The following SCTR variants were observed in gnomAD, a reference collection of about 807,000 sequenced individuals.
SCTR encodes the protein secretin receptor.
SCTR carries 56 observed loss-of-function variants against 60.8 expected under a neutral mutation model. The observed-to-expected ratio is 0.92, with a 90% CI of 0.74 to 1.15. SCTR has a LOEUF of 1.15. Among genes scored for constraint, SCTR ranks in the 50% most tolerant of loss-of-function variants. The pLI is 0.00. For missense variants in SCTR, 562 were observed against 550.4 expected (o/e 1.02, Z -0.21); for synonymous variants, 202 against 217.0 (o/e 0.93, Z 0.61).
At chr2:119,494,225 A>AGTG (rs1376108699) in intron 2 of SCTR, among the ~76,000 whole-genome samples, 2 of 152,156 alleles carry the variant, frequency 1.3e-5, no homozygotes, top group African/African-American at 4.8e-5. Context: ...AGAAAGGAAG[A>AGTG]GTGGTGAGGA....
At chr2:119,448,502 C>G (rs73951103) in intron 10 of SCTR, among the ~76,000 whole-genome samples, 187 bp downstream of exon 10, 6,272 of 152,266 alleles carry the variant, frequency 0.041, 411 homozygotes, top group African/African-American at 0.14. Context: ...TTTCCACCCC[C>G]ATACAGTGTC....
chr2:119,510,216 T>C (rs898197353), intron 1 of SCTR, among the ~76,000 whole-genome samples: 5 of 151,174 alleles, frequency 3.3e-5, no homozygotes, highest in Non-Finnish European at 5.9e-5. Context: ...CTCCCACTTA[T>C]GGTTGTGAAG....
intron 2 of SCTR, 62 bp from the exon 3 acceptor site, chr2:119,478,980 T>C: frequency 6.2e-7 from 1 of 1,601,546 alleles, no homozygotes; most frequent in Non-Finnish European, 8.5e-7. Context: ...CCTACCATCC[T>C]GTCCACATCA....
At chr2:119,517,639 G>T (rs1186743982) in intron 1 of SCTR, among the ~76,000 whole-genome samples, 2 of 152,196 alleles carry the variant, frequency 1.3e-5, no homozygotes, top group Non-Finnish European at 2.9e-5. Flanking sequence ...CCACCAGGGG[G>T]CAGAGAGCAG....
chr2:119,453,405 A>G, intron 7 of SCTR, 58 bp from the exon 8 acceptor site: 1 of 1,334,382 alleles, frequency 7.5e-7, no homozygotes, highest in Non-Finnish European at 1.1e-6. Flanking sequence ...TTCAACACAC[A>G]TATCAGAACA....
At position 119,446,825 on chromosome 2, in the gene SCTR, G is replaced by A. The variant is rs140245245; in HGVS notation, c.1074C>T (p.Phe358=). The change falls in exon 11 of 13, where the codon TTC becomes TTT. Residue 358 remains phenylalanine (F), a synonymous_variant. Transcript: ENST00000019103. ...CCATAGCGTCCTCTGGGGAGAAGGC[G>A]AAGACGATGTAGTGGATGCCAAAGA... ...IPLFGIHYIV[F]AFSPEDAMEI... The A allele has an allele frequency of 1.2e-4, 183 of 1,583,116 alleles. No individual in the cohort carries two copies. In the East Asian group the frequency reaches 1.7e-3, roughly 14 times the overall value.
intron 4 of SCTR, 67 bp from the exon 5 acceptor site, chr2:119,465,953 G>T: frequency 8.7e-7 from 1 of 1,155,540 alleles, no homozygotes; most frequent in Non-Finnish European, 1.3e-6. Flanking sequence ...GTGCCTCACT[G>T]CATCCGCTTC....
chr2:119,502,368 G>A (rs1021203671), intron 1 of SCTR, among the ~76,000 whole-genome samples: 10 of 152,168 alleles, frequency 6.6e-5, no homozygotes, highest in African/African-American at 2.2e-4. Context: ...GCTGATAAAA[G>A]GAATCAGAAG....
chr2:119,464,194 C>T lies in SCTR; in HGVS notation c.565G>A (p.Ala189Thr), dbSNP rs763208082. 6.2e-7 allele frequency: 1 copy of T among 1,614,152 alleles called. No homozygotes were observed. Among genetic ancestry groups the T allele is most frequent in the Admixed American group, 1.7e-5 (1 of 60,030 alleles). ...GCGTCCTTGATGAAGTTGGACAGGG[C>T]ACGAAGGATGAAGGACACGAACAGG... is the stretch of plus-strand genomic sequence containing the variant. ...MHLFVSFILR[A>T]LSNFIKDAVL... The change falls in exon 6 of 13, where the codon GCC becomes ACC. Residue 189 changes from alanine to threonine, a missense_variant. By Grantham distance (58) the Ala-to-Thr change is moderately conservative (BLOSUM62 0). Transcript: ENST00000019103.
intron 4 of SCTR, among the ~76,000 whole-genome samples, chr2:119,469,229 A>G (rs997993293): frequency 3.3e-5 from 5 of 152,158 alleles, no homozygotes; most frequent in Non-Finnish European, 7.4e-5. Flanking sequence ...TGTACAGATG[A>G]GCCGCATTGC....
In SCTR at chr2:119,446,773, G is replaced by A. The variant is rs757025144; in HGVS notation, c.1126C>T (p.Leu376Phe). The stretch of plus-strand genomic sequence containing the variant: ...TGGAAACTTACCTGGAATGAGCCAA[G>A]GGCTAGTTCAAAAAACAGCTGGATC... ...MEIQLFFELALGSFQGLVVAV... is the reference protein window; with the variant it reads ...MEIQLFFELAFGSFQGLVVAV... Residue 376 changes from leucine to phenylalanine, a missense_variant, in exon 11 of 13, where the codon CTT (leucine) becomes TTT (phenylalanine). By Grantham distance (22) the Leu-to-Phe change is conservative (BLOSUM62 0). Coordinates refer to ENST00000019103, the MANE Select transcript of SCTR (RefSeq NM_002980.3). 1.3e-6 allele frequency: 2 copies of A among 1,551,550 alleles called. No individual in the cohort carries two copies. The highest frequency in any genetic ancestry group is 1.4e-5 in the African/African-American group (1 of 72,308).
At chr2:119,470,122 C>T (rs918785081) in intron 4 of SCTR, among the ~76,000 whole-genome samples, 1 of 152,140 alleles carries the variant, frequency 6.6e-6, no homozygotes, top group South Asian at 2.1e-4. Context: ...GCAGTGGAGC[C>T]TCATTGGGTC....
At chr2:119,494,629 C>G (rs1678278972) in intron 1 of SCTR, 81 bp from the exon 2 acceptor site, 1 of 1,450,178 alleles carries the variant, frequency 6.9e-7, no homozygotes, top group Non-Finnish European at 9.6e-7. Flanking sequence ...CAAGACAATG[C>G]AGATTCAATG....
chr2:119,452,010 C>A lies in SCTR; in HGVS notation c.921G>T (p.Leu307=), dbSNP rs1366325480. 6 of 1,593,692 alleles carry A rather than the reference C, an allele frequency of 3.8e-6. No homozygotes were observed. The highest frequency in any genetic ancestry group is 5.2e-6 in the Non-Finnish European group (6 of 1,163,568). Residue 307 remains leucine, a splice_region_variant and synonymous_variant, in exon 9 of 13, where the codon CTG becomes CTT. Transcript: ENST00000019103. The part of the protein sequence containing the change: ...IIRGPVILSI[L]INFILFINIL... ...AGCTAGGGAGAGGAGGGCCACTCAC[C>A]AGGATGGAGAGGATCACAGGACCAC...
In SCTR at chr2:119,524,459, G is replaced by T. The variant is rs1281460014; in HGVS notation, c.-233C>A. On this transcript the variant is annotated 5_prime_UTR_variant, in exon 1 of 13. Coordinates refer to ENST00000019103, the MANE Select transcript of SCTR (RefSeq NM_002980.3). Reference sequence around the variant, plus strand: ...TTGATCAGGACGCGGCTTTGCCGGCGCGCCTCCTCCACCCGGCAGGGACTG... The same window carrying T: ...TTGATCAGGACGCGGCTTTGCCGGCTCGCCTCCTCCACCCGGCAGGGACTG... 2.8e-6 allele frequency: 1 copy of T among 356,182 alleles called. No homozygotes were observed. The allele number at this position is 356,182 out of a possible 1,614,324, so 22.1% of individuals were successfully genotyped here.
At chr2:119,488,435 G>T (rs1369767057) in intron 2 of SCTR, among the ~76,000 whole-genome samples, 2 of 152,226 alleles carry the variant, frequency 1.3e-5, no homozygotes, top group African/African-American at 4.8e-5. Context: ...AGTCAGGCAG[G>T]AATCCCCAGT....
Position 119,453,431 on chromosome 2 carries a change from C to T in SCTR, c.791-84G>A. The stretch of plus-strand genomic sequence containing the variant: ...TATCAGAACAGGACAATTGGTTACC[C>T]CAGCCCAGCTACTGAGCAGGTGCCA... On this transcript the variant is annotated intron_variant, in intron 7 of 12. Coordinates refer to ENST00000019103, the MANE Select transcript of SCTR (RefSeq NM_002980.3). The T allele has an allele frequency of 3.7e-6, 4 of 1,070,198 alleles. No homozygotes were observed. In the South Asian group the frequency reaches 5.2e-5, roughly 14 times the overall value. 66.3% of individuals were successfully genotyped at this position (1,070,198 alleles called of 1,614,324 possible). A position where few individuals can be genotyped will look rare whatever the true frequency, so the allele number is the denominator to read the frequency against.
At chr2:119,459,573 C>G (rs528009282) in intron 7 of SCTR, among the ~76,000 whole-genome samples, 1 of 152,204 alleles carries the variant, frequency 6.6e-6, no homozygotes, top group South Asian at 2.1e-4. Context: ...TTCTAGGGAC[C>G]CTTCAGGGTC....
intron 2 of SCTR, chr2:119,479,543 C>T (rs960929948): frequency 6.6e-6 from 1 of 152,478 alleles, no homozygotes; most frequent in South Asian, 2.1e-4. Flanking sequence ...TGGGGTGGGG[C>T]CTGAGTATCT....
Sources: gnomAD v4.1 joint callset for allele counts (sites outside exome capture counted in the v4.1 genomes callset) on GRCh38, gnomAD v4.1.1 for gene constraint, MANE v1.5 for transcripts, NCBI Gene and HGNC (gene_info 2026-07-23, HGNC 2026-07-21) for gene names.